TMEM132B: variants seen among roughly 807,000 people sequenced by gnomAD.
The protein encoded by TMEM132B is transmembrane protein 132B.
A neutral mutation model predicts 90.8 loss-of-function variants in TMEM132B; 18 were observed. That is an observed-to-expected ratio of 0.20 (90% CI 0.14 to 0.29). The LOEUF (loss-of-function observed/expected upper bound fraction) is 0.29. Among genes scored for constraint, TMEM132B ranks in the 10% least tolerant of loss-of-function variants. The pLI is 1.00. For synonymous variants in TMEM132B, 504 were observed against 523.3 expected, an observed-to-expected ratio of 0.96 and a Z score of 0.50; for missense variants, 1,096 against 1,326.8, an observed-to-expected ratio of 0.83 and a Z score of 2.70.
chr12:125,322,235 T>C (rs919306302), intron 1 of TMEM132B, among the ~76,000 whole-genome samples: 2 of 152,166 alleles, frequency 1.3e-5, no homozygotes, highest in African/African-American at 4.8e-5. Flanking sequence ...CTGATGGTTT[T>C]ATAAAGGGCA....
At chr12:125,306,839 C>T (rs1875983474) in intron 1 of TMEM132B, among the ~76,000 whole-genome samples, 1 of 152,222 alleles carries the variant, frequency 6.6e-6, no homozygotes, top group African/African-American at 2.4e-5. Flanking sequence ...AGCCAGTGTC[C>T]TTCAAGTTGA....
intron 1 of TMEM132B, among the ~76,000 whole-genome samples, chr12:125,247,103 T>A (rs1874223180): frequency 6.6e-6 from 1 of 152,238 alleles, no homozygotes; most frequent in African/African-American, 2.4e-5. Flanking sequence ...ACTCACTACC[T>A]ATAAGGTAAC....
In TMEM132B at chr12:125,406,708, C is replaced by T. The variant is rs1221406341; in HGVS notation, c.960-8823C>T. On this transcript the variant is annotated intron_variant, in intron 2 of 8. Transcript: ENST00000682704. This position sits in a 1 kb window ranked among gnomAD's most constrained non-coding sequence, Gnocchi z 8.3. ...GGCAGACAGTGAAAGACTTGACCCA[C>T]CCACTGGAAAGCTGGGAAGGTCTCA... 6.6e-6 allele frequency among the ~76,000 whole-genome samples: 1 copy of T among 152,184 alleles called. No homozygotes were observed. The highest frequency in any genetic ancestry group is 1.5e-5 in the Non-Finnish European group (1 of 68,048).
At chr12:125,503,527 C>T (rs1260785573) in intron 3 of TMEM132B, among the ~76,000 whole-genome samples, 1 of 152,150 alleles carries the variant, frequency 6.6e-6, no homozygotes, top group African/African-American at 2.4e-5. Flanking sequence ...CCAGTGGACC[C>T]GTTTCTGAAA....
In TMEM132B at chr12:125,311,636, C is replaced by A. The variant is rs375662584; in HGVS notation, c.68-37816C>A. Among the ~76,000 whole-genome samples the A allele has an allele frequency of 1.6e-4, 24 of 152,324 alleles. 1 individual carries two copies. The South Asian group carries it at 4.6e-3, about 29-fold the overall frequency. On this transcript the variant is annotated intron_variant, in intron 1 of 8. Coordinates refer to ENST00000682704, the MANE Select transcript of TMEM132B (RefSeq NM_001366854.1). ...CATCTTGCTTCTCTCATGCTTATCT[C>A]TTTCCAGTCTATTCTCATCGAGGAG...
intron 3 of TMEM132B, among the ~76,000 whole-genome samples, chr12:125,433,082 C>T (rs375876139): frequency 5.1e-4 from 77 of 152,332 alleles, no homozygotes; most frequent in African/African-American, 1.7e-3. Context: ...AAGAATGCCG[C>T]GTGCCCCACG....
intron 3 of TMEM132B, among the ~76,000 whole-genome samples, chr12:125,499,940 TCC>T (rs1197888685): frequency 1.3e-4 from 20 of 152,336 alleles, no homozygotes; most frequent in Non-Finnish European, 2.6e-4. Context: ...AATTACTTCA[TCC>T]CTATGTGACC....
chr12:125,380,613 G>A (rs1026397353), intron 2 of TMEM132B, among the ~76,000 whole-genome samples: 7 of 152,280 alleles, frequency 4.6e-5, no homozygotes, highest in Admixed American at 3.3e-4. Context: ...GTTGGTGCTC[G>A]GTTCTCACCG....
In TMEM132B at chr12:125,650,903, C is replaced by T; in HGVS notation, c.1864C>T (p.Gln622Ter). Reference sequence around the variant, plus strand: ...GGAGGAGCCGAAAATCGCTCAGTTACAGGACGGCAGGACCCTGGCTGGTCG... The same window carrying T: ...GGAGGAGCCGAAAATCGCTCAGTTATAGGACGGCAGGACCCTGGCTGGTCG... ...KVEEPKIAQL[Q>*]DGRTLAGREP... The change falls in exon 7 of 9, where the codon CAG becomes TAG. Residue 622 changes from glutamine (Q) to a stop codon, truncating the protein, a stop_gained. Coordinates refer to ENST00000682704, the MANE Select transcript of TMEM132B (RefSeq NM_001366854.1). LOFTEE classifies it high-confidence loss of function. 6.2e-7 allele frequency: 1 copy of T among 1,613,494 alleles called. No individual in the cohort carries two copies. Among genetic ancestry groups the T allele is most frequent in the Non-Finnish European group, 8.5e-7 (1 of 1,180,010 alleles).
intron 6 of TMEM132B, 122 bp downstream of exon 6, chr12:125,644,403 T>C (rs1309717253): frequency 2.7e-6 from 3 of 1,094,390 alleles, no homozygotes; most frequent in Non-Finnish European, 3.9e-6. Context: ...GGAAGCGTGG[T>C]CTGGGCTTTG....
At chr12:125,347,756 C>T (rs1018004803) in intron 1 of TMEM132B, among the ~76,000 whole-genome samples, 2 of 152,208 alleles carry the variant, frequency 1.3e-5, no homozygotes, top group African/African-American at 2.4e-5. Flanking sequence ...TGCCCTTGGC[C>T]TGCTTTGCTG....
rs140999889 is a variant in TMEM132B, at chr12:125,399,743, G to A, written c.960-15788G>A. Reference sequence around the variant, plus strand: ...GGAAAGATCCAACAGGCAGCTCTGGGGTAAACTTACTCTGTTATATTGGCT... The same window carrying A: ...GGAAAGATCCAACAGGCAGCTCTGGAGTAAACTTACTCTGTTATATTGGCT... On this transcript the variant is annotated intron_variant, in intron 2 of 8. Coordinates refer to ENST00000682704, the MANE Select transcript of TMEM132B (RefSeq NM_001366854.1). Among the ~76,000 whole-genome samples, 526 of 152,208 alleles carry A rather than the reference G, an allele frequency of 3.5e-3. 6 individuals carry two copies. Among genetic ancestry groups the A allele is most frequent in the African/African-American group, 0.012 (501 of 41,528 alleles).
chr12:125,191,869 G>A lies in TMEM132B; in HGVS notation c.67+5003G>A, dbSNP rs182149895. On this transcript the variant is annotated intron_variant, in intron 1 of 8. Coordinates refer to ENST00000682704, the MANE Select transcript of TMEM132B (RefSeq NM_001366854.1). ...GACTCAGTTTTCCCATCTGTAAAAT[G>A]GGCCCCAAAATTCTCCCTGGCTGTT... is the stretch of plus-strand genomic sequence containing the variant. 2.0e-3 allele frequency among the ~76,000 whole-genome samples: 297 copies of A among 152,248 alleles called. No homozygotes were observed. In the Middle Eastern group the frequency reaches 0.024, roughly 12 times the overall value.
intron 1 of TMEM132B, among the ~76,000 whole-genome samples, chr12:125,282,227 C>T (rs1380707586): frequency 6.6e-6 from 1 of 152,074 alleles, no homozygotes; most frequent in Non-Finnish European, 1.5e-5. Context: ...CTTTGCTGCA[C>T]TCACACTGCC....
intron 5 of TMEM132B, among the ~76,000 whole-genome samples, chr12:125,636,567 C>T (rs1042115359): frequency 6.6e-6 from 1 of 152,144 alleles, no homozygotes; most frequent in African/African-American, 2.4e-5. Context: ...GTGCTCCTAC[C>T]CCTCTTCAAG....
chr12:125,354,030 G>C (rs1473082447), intron 2 of TMEM132B, among the ~76,000 whole-genome samples: 1 of 152,166 alleles, frequency 6.6e-6, no homozygotes, highest in Non-Finnish European at 1.5e-5. Flanking sequence ...TTGGAATTTG[G>C]ACTGTGAGTC....
intron 4 of TMEM132B, among the ~76,000 whole-genome samples, chr12:125,563,718 G>A (rs1380958225): frequency 1.3e-5 from 2 of 152,104 alleles, no homozygotes; most frequent in African/African-American, 4.8e-5. Flanking sequence ...ATTTATGGTG[G>A]TACCTAAATC....
At chr12:125,548,734 G>T (rs747884633) in intron 4 of TMEM132B, among the ~76,000 whole-genome samples, 1 of 152,218 alleles carries the variant, frequency 6.6e-6, no homozygotes, top group South Asian at 2.1e-4. Context: ...GAGGGTTTGA[G>T]CAGAGGAGTT....
chr12:125,637,072 A>G (rs1170224321), intron 5 of TMEM132B, among the ~76,000 whole-genome samples: 2 of 152,190 alleles, frequency 1.3e-5, no homozygotes, highest in Non-Finnish European at 2.9e-5. Flanking sequence ...ATTGCAGGTT[A>G]GTTTGTTACC....
Sources: allele counts gnomAD v4.1 joint callset (sites outside exome capture counted in the v4.1 genomes callset), GRCh38; gene constraint gnomAD v4.1.1; non-coding constraint Gnocchi (gnomAD v3.1); transcripts MANE v1.5; gene names NCBI Gene and HGNC (gene_info 2026-07-23, HGNC 2026-07-21).